The following JAK2 variants were observed in gnomAD, a reference collection of about 807,000 sequenced individuals.
The protein encoded by JAK2 is Janus kinase 2.
Under a neutral mutation model 139.3 loss-of-function variants are expected in JAK2, and 86 were observed. The observed-to-expected ratio is 0.62, with a 90% CI of 0.52 to 0.74. The LOEUF is 0.74. JAK2 is among the 30% of genes least tolerant of loss of function. The pLI, the probability that JAK2 is intolerant of heterozygous loss-of-function variation, is 0.00. For synonymous variants in JAK2, 490 were observed against 437.7 expected, an observed-to-expected ratio of 1.12 and a Z score of -1.49; for missense variants, 1,421 against 1,360.3, an observed-to-expected ratio of 1.04 and a Z score of -0.70.
chr9:5,037,620 C>T (rs1816155110), intron 4 of JAK2, among the ~76,000 whole-genome samples: 1 of 152,104 alleles, frequency 6.6e-6, no homozygotes, highest in South Asian at 2.1e-4. Flanking sequence ...AAAAACCAAA[C>T]ACTGCATGTT....
At chr9:5,048,832 G>GTAGA (rs1328742848) in intron 5 of JAK2, among the ~76,000 whole-genome samples, 2 of 152,196 alleles carry the variant, frequency 1.3e-5, no homozygotes, top group Non-Finnish European at 2.9e-5. Flanking sequence ...AAATACAGAT[G>GTAGA]TAGAGTATAG....
At chr9:5,060,072 A>AAGTT (rs1229216891) in intron 8 of JAK2, among the ~76,000 whole-genome samples, 1 of 152,228 alleles carries the variant, frequency 6.6e-6, no homozygotes, top group Non-Finnish European at 1.5e-5. Flanking sequence ...GTACATATAA[A>AAGTT]AGTTATGTTT....
At chr9:5,059,239 C>A (rs1817988134) in intron 8 of JAK2, among the ~76,000 whole-genome samples, 1 of 152,152 alleles carries the variant, frequency 6.6e-6, no homozygotes. Context: ...TTCACCTCCA[C>A]CCCTAACTTA....
intron 19 of JAK2, among the ~76,000 whole-genome samples, chr9:5,086,274 C>A (rs567605885): frequency 5.7e-4 from 87 of 152,254 alleles, no homozygotes; most frequent in Non-Finnish European, 1.1e-3. Flanking sequence ...GGCCCGCGAT[C>A]CTCCTGCCAG....
chr9:5,064,132 G>A (rs988507784), intron 8 of JAK2, among the ~76,000 whole-genome samples: 1 of 152,080 alleles, frequency 6.6e-6, no homozygotes, highest in East Asian at 1.9e-4. Flanking sequence ...CTCCAGCCTG[G>A]GCGACAGAGC....
At chr9:4,984,742 C>T (rs960031511), upstream of JAK2, 1 of 152,362 alleles carries the variant, frequency 6.6e-6, no homozygotes, top group Non-Finnish European at 1.5e-5. Context: ...CCAGTGCAGG[C>T]TGCGCGCTGG....
At chr9:5,056,845 T>C (rs1271169358) in intron 8 of JAK2, among the ~76,000 whole-genome samples, 1 of 152,198 alleles carries the variant, frequency 6.6e-6, no homozygotes, top group Non-Finnish European at 1.5e-5. Flanking sequence ...TGGCTTAATT[T>C]TAAGTCTGCA....
intron 22 of JAK2, among the ~76,000 whole-genome samples, chr9:5,102,687 CG>C (rs1475131191): frequency 6.6e-6 from 1 of 152,180 alleles, no homozygotes; most frequent in African/African-American, 2.4e-5. Flanking sequence ...AGACTAACAG[CG>C]GATCTCTCAG....
chr9:5,064,428 G>A lies in JAK2; in HGVS notation c.1057-455G>A, dbSNP rs573473486. Among the ~76,000 whole-genome samples the A allele has an allele frequency of 3.4e-4, 52 of 151,374 alleles. 1 individual carries two copies. The South Asian group carries it at 0.01, about 29-fold the overall frequency. ...GCCTGTAATCCCAGCTACTCATGAG[G>A]GTGAGGTGGGTGGATCGCTTGAGCC... On this transcript the variant is annotated intron_variant, in intron 8 of 24. Transcript: ENST00000381652.
chr9:5,065,855 G>C (rs113568378), intron 9 of JAK2, among the ~76,000 whole-genome samples: 146 of 152,206 alleles, frequency 9.6e-4, no homozygotes, highest in African/African-American at 3.4e-3. Flanking sequence ...CTAAATATTT[G>C]AGAAAATACA....
At position 5,054,456 on chromosome 9, in the gene JAK2, G is replaced by A; in HGVS notation, c.615-107G>A. ...ACGCCACTTGGCCACTGTGTTGTAA[G>A]GCCTACTTAATCATGGAAAAAGGTG... On this transcript the variant is annotated intron_variant, in intron 6 of 24. Transcript: ENST00000381652. The surrounding 1 kb of genome is among the most constrained non-coding windows in gnomAD (Gnocchi z 4.9). 1 of 867,248 alleles carries A rather than the reference G, an allele frequency of 1.2e-6. No homozygotes were observed. The highest frequency in any genetic ancestry group is 1.7e-5 in the South Asian group (1 of 57,472). 53.7% of individuals were successfully genotyped at this position (867,248 alleles called of 1,614,324 possible).
intron 4 of JAK2, chr9:5,040,901 C>T (rs933723538): frequency 6.5e-6 from 2 of 306,332 alleles, no homozygotes; most frequent in Non-Finnish European, 1.2e-5. Flanking sequence ...GAAGCCTGGC[C>T]GGCCACCCAG....
chr9:5,089,947 T>G, intron 20 of JAK2, 84 bp downstream of exon 20: 1 of 924,142 alleles, frequency 1.1e-6, no homozygotes. Context: ...GTCTTAACGA[T>G]CTGGACTTAT....
At chr9:5,016,777 A>G (rs1341644239) in intron 2 of JAK2, among the ~76,000 whole-genome samples, 2 of 152,212 alleles carry the variant, frequency 1.3e-5, no homozygotes, top group East Asian at 3.9e-4. Flanking sequence ...TGCCAAGCTA[A>G]CCATTATCCT....
chr9:5,112,383 G>T, intron 22 of JAK2: 1 of 425,684 alleles, frequency 2.3e-6, no homozygotes, highest in Non-Finnish European at 4.4e-6. Flanking sequence ...GGCCACTGGG[G>T]AAATCAAGCG....
chr9:5,086,215 G>C, intron 19 of JAK2: 1 of 596,700 alleles, frequency 1.7e-6, no homozygotes. Context: ...ACCAGCGCGA[G>C]GCCACGGTCG....
chr9:5,006,873 G>T (rs1330899806), intron 2 of JAK2, among the ~76,000 whole-genome samples: 4 of 152,166 alleles, frequency 2.6e-5, no homozygotes, highest in African/African-American at 4.8e-5. Context: ...TCTTGTGCTA[G>T]TTTAGGTAAA....
intron 2 of JAK2, among the ~76,000 whole-genome samples, chr9:4,986,877 C>T (rs537753413): frequency 6.6e-6 from 1 of 152,256 alleles, no homozygotes; most frequent in South Asian, 2.1e-4. Flanking sequence ...GGGGAATTTT[C>T]CCCTTGTAGC....
chr9:5,123,217 T>G lies in JAK2; in HGVS notation c.3177+96T>G, dbSNP rs755327731. On this transcript the variant is annotated intron_variant, in intron 23 of 24. Transcript: ENST00000381652. Reference sequence around the variant, plus strand: ...AGTACAATTTTGCTACATGCATACATTGCATAGTGGTGAAGTCAGAGCTTT... The same window carrying G: ...AGTACAATTTTGCTACATGCATACAGTGCATAGTGGTGAAGTCAGAGCTTT... 1.8e-5 allele frequency: 13 copies of G among 727,806 alleles called. No individual in the cohort carries two copies. In the South Asian group the frequency reaches 2.5e-4, roughly 14 times the overall value. 45.1% of individuals were successfully genotyped at this position (727,806 alleles called of 1,614,324 possible).
Sources: gnomAD v4.1 joint callset for allele counts (sites outside exome capture counted in the v4.1 genomes callset) on GRCh38, gnomAD v4.1.1 for gene constraint, Gnocchi (gnomAD v3.1) non-coding constraint, MANE v1.5 for transcripts, NCBI Gene and HGNC (gene_info 2026-07-23, HGNC 2026-07-21) for gene names.